Variants in TIAM1 observed in about 807,000 individuals in gnomAD.
TIAM1 encodes TIAM Rac1 associated GEF 1.
Under a neutral mutation model 163.5 loss-of-function variants are expected in TIAM1, and 65 were observed. The ratio of observed to expected loss-of-function variants is 0.40; its 90% CI spans 0.33 to 0.49. TIAM1 has a LOEUF of 0.49. Among genes scored for constraint, TIAM1 ranks in the 20% least tolerant of loss-of-function variants. The probability of loss-of-function intolerance (pLI) is 0.77; values close to 1 mark genes in which losing one functional copy is unlikely to be tolerated. For synonymous variants in TIAM1, 833 were observed against 810.1 expected (o/e 1.03, Z -0.48); for missense variants, 1,789 against 2,044.7 (o/e 0.87, Z 2.41).
chr21:31,439,456 AT>A (rs1409171609), intron 2 of TIAM1, among the ~76,000 whole-genome samples: 1 of 151,956 alleles, frequency 6.6e-6, no homozygotes, highest in Non-Finnish European at 1.5e-5. Flanking sequence ...TGTCCAGCTA[AT>A]TTTTGTATTT....
chr21:31,222,929 G>A (rs1428872101), intron 8 of TIAM1, among the ~76,000 whole-genome samples: 3 of 151,234 alleles, frequency 2.0e-5, no homozygotes, highest in Non-Finnish European at 4.4e-5. Flanking sequence ...TGTTGGCCAG[G>A]TTGGTCTCGA....
At chr21:31,504,422 C>T (rs11910358) in intron 1 of TIAM1, among the ~76,000 whole-genome samples, 2,312 of 152,316 alleles carry the variant, frequency 0.015, 56 homozygotes, top group African/African-American at 0.052. Flanking sequence ...ACAACAAGTT[C>T]GCTACCTGGC....
intron 13 of TIAM1, among the ~76,000 whole-genome samples, chr21:31,194,928 T>G (rs1402872302): frequency 2.6e-5 from 4 of 152,244 alleles, no homozygotes; most frequent in Admixed American, 1.3e-4. Context: ...CAGTCAGATT[T>G]ATAACTAAAC....
chr21:31,281,202 T>G (rs1199736888), intron 2 of TIAM1, among the ~76,000 whole-genome samples: 3 of 152,084 alleles, frequency 2.0e-5, no homozygotes, highest in Non-Finnish European at 4.4e-5. Context: ...GGATACTGTA[T>G]TGTATTTGCC....
intron 1 of TIAM1, among the ~76,000 whole-genome samples, chr21:31,485,201 T>C (rs1252309009): frequency 6.6e-6 from 1 of 152,142 alleles, no homozygotes; most frequent in Admixed American, 6.6e-5. Flanking sequence ...AGAGCAAGTG[T>C]AGAGCAACAC....
At chr21:31,336,027 G>A (rs1425350782) in intron 2 of TIAM1, among the ~76,000 whole-genome samples, 1 of 152,176 alleles carries the variant, frequency 6.6e-6, no homozygotes, top group African/African-American at 2.4e-5. Flanking sequence ...GCACACAGTA[G>A]GTGCTCAATG....
At chr21:31,297,566 T>C (rs2300351) in intron 2 of TIAM1, among the ~76,000 whole-genome samples, 50,288 of 152,058 alleles carry the variant, frequency 0.33, 8,607 homozygotes, top group Middle Eastern at 0.53. Flanking sequence ...GGCTAATTTT[T>C]GTATTTTAGG....
At chr21:31,238,260 G>A (rs914115226) in intron 6 of TIAM1, among the ~76,000 whole-genome samples, 8 of 152,134 alleles carry the variant, frequency 5.3e-5, no homozygotes, top group Admixed American at 6.5e-5. Context: ...ATTCTGATTC[G>A]GCTGCTCCAG....
intron 2 of TIAM1, among the ~76,000 whole-genome samples, chr21:31,303,549 T>G (rs1601890164): frequency 6.6e-6 from 1 of 152,080 alleles, no homozygotes; most frequent in East Asian, 1.9e-4. Context: ...TTTAAATAAC[T>G]TTTGAACTTA....
chr21:31,414,801 T>A (rs1008246370), intron 2 of TIAM1, among the ~76,000 whole-genome samples: 2 of 152,170 alleles, frequency 1.3e-5, no homozygotes, highest in Non-Finnish European at 2.9e-5. Context: ...GAAGAGGAAC[T>A]GGAAAAAGGT....
chr21:31,234,445 T>A (rs981281356), intron 6 of TIAM1, among the ~76,000 whole-genome samples: 1 of 151,068 alleles, frequency 6.6e-6, no homozygotes, highest in Non-Finnish European at 1.5e-5. Context: ...TAAAAAAAAA[T>A]AACCAAAATT....
chr21:31,427,936 G>A (rs2043855093), intron 2 of TIAM1, among the ~76,000 whole-genome samples: 1 of 152,054 alleles, frequency 6.6e-6, no homozygotes, highest in South Asian at 2.1e-4. Flanking sequence ...TCAATTCCTT[G>A]CAACCAAAAA....
At chr21:31,439,030 A>T (rs2044322422) in intron 2 of TIAM1, among the ~76,000 whole-genome samples, 1 of 152,250 alleles carries the variant, frequency 6.6e-6, no homozygotes, top group Admixed American at 6.5e-5. Context: ...TTACATTAAC[A>T]TGCTGACTAT....
chr21:31,118,795 AAAG>A lies in TIAM1; in HGVS notation c.*1570_*1572del. The A allele has an allele frequency of 2.7e-6, 1 of 369,610 alleles. No homozygotes were observed. The highest frequency in any genetic ancestry group is 2.2e-5 in the South Asian group (1 of 46,462). 22.9% of individuals were successfully genotyped at this position (369,610 alleles called of 1,614,324 possible). A position where few individuals can be genotyped will look rare whatever the true frequency, so the allele number is the denominator to read the frequency against. On this transcript the variant is annotated 3_prime_UTR_variant, in exon 28 of 28. Coordinates refer to ENST00000541036, the MANE Select transcript of TIAM1 (RefSeq NM_001353694.2). ...AAAATTTAATAGAATAAAACTTTCA[AAAG>A]ATCAAGCTCGAAGCCCTGGAAACCC...
intron 15 of TIAM1, among the ~76,000 whole-genome samples, chr21:31,181,222 G>A (rs73349791): frequency 0.031 from 4,646 of 152,174 alleles, 239 homozygotes; most frequent in African/African-American, 0.11. Flanking sequence ...ACAAGAAAGG[G>A]CCACCCATGT....
chr21:31,365,634 A>G (rs1602104690), intron 2 of TIAM1, among the ~76,000 whole-genome samples: 3 of 151,210 alleles, frequency 2.0e-5, no homozygotes, highest in African/African-American at 7.3e-5. Context: ...CTCGTGATCC[A>G]CCTGCCTCGG....
At chr21:31,126,272 C>T (rs1054451956) in intron 26 of TIAM1, among the ~76,000 whole-genome samples, 4 of 130,398 alleles carry the variant, frequency 3.1e-5, no homozygotes, top group Admixed American at 8.3e-5. Flanking sequence ...TGAGTATCTA[C>T]GATTAAATTA....
At chr21:31,257,995 C>G (rs931747303) in intron 4 of TIAM1, among the ~76,000 whole-genome samples, 6 of 151,658 alleles carry the variant, frequency 4.0e-5, no homozygotes, top group Non-Finnish European at 8.8e-5. Context: ...TCCCTCCTCC[C>G]CTCCTCTCCT....
intron 2 of TIAM1, among the ~76,000 whole-genome samples, chr21:31,430,022 A>G (rs1010618420): frequency 2.0e-5 from 3 of 151,884 alleles, no homozygotes; most frequent in African/African-American, 7.3e-5. Context: ...CCTGGCCAAC[A>G]TGGTGAAACC....
Sources: gnomAD v4.1 joint callset for allele counts (sites outside exome capture counted in the v4.1 genomes callset) on GRCh38, gnomAD v4.1.1 for gene constraint, MANE v1.5 for transcripts, NCBI Gene and HGNC (gene_info 2026-07-23, HGNC 2026-07-21) for gene names.